The following TRIP11 variants were observed in gnomAD, a reference collection of about 807,000 sequenced individuals.
The protein encoded by TRIP11 is thyroid hormone receptor interactor 11, also known as thyroid receptor-interacting protein 11.
Under a neutral mutation model 223.1 loss-of-function variants are expected in TRIP11, and 148 were observed. The ratio of observed to expected loss-of-function variants is 0.66; its 90% CI spans 0.58 to 0.76. The LOEUF (loss-of-function observed/expected upper bound fraction) is 0.76, where lower values mean the gene tolerates loss of function less well. Ranked by LOEUF, TRIP11 falls within the 30% of genes least tolerant of loss-of-function variation. The pLI is 0.00. For missense variants in TRIP11, 2,043 were observed against 2,222.0 expected (o/e 0.92, Z 1.62); for synonymous variants, 762 against 772.6 (o/e 0.99, Z 0.23).
chr14:91,999,059 C>A (rs2056787224), intron 13 of TRIP11, among the ~76,000 whole-genome samples, 181 bp downstream of exon 13: 1 of 152,170 alleles, frequency 6.6e-6, no homozygotes. Flanking sequence ...GTGAAACCCC[C>A]ACACACACTC....
intron 7 of TRIP11, 137 bp downstream of exon 7, chr14:92,014,078 T>C: frequency 7.9e-7 from 1 of 1,265,768 alleles, no homozygotes; most frequent in Non-Finnish European, 1.1e-6. Flanking sequence ...AACCACACAA[T>C]TCTACCCAAA....
Position 91,969,795 on chromosome 14 carries a change from G to T in TRIP11, c.5818C>A (p.Pro1940Thr), listed in dbSNP as rs1458755578. The T allele has an allele frequency of 1.2e-6, 2 of 1,614,032 alleles. No individual in the cohort carries two copies. The highest frequency in any genetic ancestry group is 8.5e-7 in the Non-Finnish European group (1 of 1,180,032). ...VPLINPAGLG[P>T]GGPGHLLLKP... is the part of the protein sequence containing the mutation. Reference sequence around the variant, plus strand: ...AGAAGAAGATGCCCGGGCCCACCAGGTCCAAGTCCAGCTGGGTTAATAAGA... The same window carrying T: ...AGAAGAAGATGCCCGGGCCCACCAGTTCCAAGTCCAGCTGGGTTAATAAGA... The change falls in exon 21 of 21, where the codon CCT becomes ACT. Residue 1940 changes from proline (P) to threonine (T), a missense_variant. Transcript: ENST00000267622.
At chr14:91,984,658 C>T (rs74073605) in intron 16 of TRIP11, among the ~76,000 whole-genome samples, 5,655 of 152,106 alleles carry the variant, frequency 0.037, 304 homozygotes, top group African/African-American at 0.12. Context: ...AGGATGATGG[C>T]AGAGAACAAG....
At position 91,966,860 on chromosome 14, in the gene TRIP11, A is replaced by C. The variant is rs1595360774; in HGVS notation, c.*2813T>G. 4.6e-6 allele frequency: 1 copy of C among 218,614 alleles called. No individual in the cohort carries two copies. Among genetic ancestry groups the C allele is most frequent in the East Asian group, 6.7e-5 (1 of 14,828 alleles). The allele number at this position is 218,614 out of a possible 1,614,324, so 13.5% of individuals were successfully genotyped here. On this transcript the variant is annotated 3_prime_UTR_variant, in exon 21 of 21. Transcript: ENST00000267622. ...GCAGCGAAGGTGGAATTCAACCACA[A>C]ATTCTACTGAGTGGATAGAGAAATA... is the stretch of plus-strand genomic sequence containing the variant.
chr14:92,024,520 A>G (rs1319520236), intron 3 of TRIP11, among the ~76,000 whole-genome samples: 1 of 152,202 alleles, frequency 6.6e-6, no homozygotes, highest in Non-Finnish European at 1.5e-5. Context: ...AAACCTATGT[A>G]TATCTTTAAC....
intron 3 of TRIP11, among the ~76,000 whole-genome samples, chr14:92,023,203 A>G (rs1298442368): frequency 6.6e-6 from 1 of 152,218 alleles, no homozygotes; most frequent in East Asian, 1.9e-4. Flanking sequence ...AGTGTTTTCA[A>G]CTGTGAGGTA....
intron 4 of TRIP11, among the ~76,000 whole-genome samples, chr14:92,019,391 T>C (rs539272262): frequency 3.2e-4 from 49 of 152,318 alleles, no homozygotes; most frequent in African/African-American, 9.9e-4. Flanking sequence ...AGATCTACAA[T>C]ACTGCCAAGT....
rs2056352950 is a variant in TRIP11 at position 91,967,485 on chromosome 14, C to T, written c.*2188G>A. On this transcript the variant is annotated 3_prime_UTR_variant, in exon 21 of 21. Transcript: ENST00000267622. ...GGTCACATATTTATTTAAATAGCAG[C>T]CATTTAATATCATGCTCTGTGATGT... 5.2e-6 allele frequency: 1 copy of T among 192,652 alleles called. No individual in the cohort carries two copies. The highest frequency in any genetic ancestry group is 8.2e-5 in the East Asian group (1 of 12,246). 11.9% of individuals were successfully genotyped at this position (192,652 alleles called of 1,614,324 possible).
At chr14:91,989,449 G>T (rs2056646205) in intron 15 of TRIP11, among the ~76,000 whole-genome samples, 2 of 149,490 alleles carry the variant, frequency 1.3e-5, no homozygotes, top group East Asian at 2.0e-4. Flanking sequence ...ATATATCCTG[G>T]GCTCTATTTC....
chr14:92,005,415 C>T lies in TRIP11; in HGVS notation c.2561G>A (p.Ser854Asn). Residue 854 changes from serine to asparagine, a missense_variant, in exon 11 of 21, where the codon AGT (serine) becomes AAT (asparagine). Transcript: ENST00000267622. ...LRQTIEEKDR[S>N]LGSMKEENNH... ...ATTTTCCTCTTTCATGGATCCAAGACTTCGGTCTTTTTCCTCTATGGTCTG... is the reference window on the plus strand; with the variant it reads ...ATTTTCCTCTTTCATGGATCCAAGATTTCGGTCTTTTTCCTCTATGGTCTG... The T allele has an allele frequency of 6.2e-7, 1 of 1,614,036 alleles. No homozygotes were observed. Among genetic ancestry groups the T allele is most frequent in the Non-Finnish European group, 8.5e-7 (1 of 1,180,028 alleles).
chr14:92,010,730 C>A (rs148612999), intron 9 of TRIP11, among the ~76,000 whole-genome samples: 3 of 151,880 alleles, frequency 2.0e-5, no homozygotes, highest in Admixed American at 6.6e-5. Flanking sequence ...GAAACCAAAA[C>A]AGGACCTCCA....
rs2273185 is a variant in TRIP11 at position 91,993,754 on chromosome 14, C to A, written c.5160+55G>T. 444,809 of 1,377,332 alleles carry A rather than the reference C, an allele frequency of 0.32. 73,344 individuals carry two copies. The highest frequency in any genetic ancestry group is 0.37 in the East Asian group (16,138 of 43,280). The allele number at this position is 1,377,332 out of a possible 1,614,324, so 85.3% of individuals were successfully genotyped here. A position where few individuals can be genotyped will look rare whatever the true frequency, so the allele number is the denominator to read the frequency against. On this transcript the variant is annotated intron_variant, in intron 15 of 20. Coordinates refer to ENST00000267622, the MANE Select transcript of TRIP11 (RefSeq NM_004239.4). Reference sequence around the variant, plus strand: ...GATTATTTCCAAGACAAAGACTCTACAAGTAACTGTTCCATGAATAATAAA... The same window carrying A: ...GATTATTTCCAAGACAAAGACTCTAAAAGTAACTGTTCCATGAATAATAAA...
At position 91,972,797 on chromosome 14, in the gene TRIP11, T is replaced by A; in HGVS notation, c.5639A>T (p.Lys1880Met). ...TESHPSIPPP[K>M]LSVHDMKPLD... ...AGGTTTCATATCATGAACAGAAAGC[T>A]TTGGTGGTGGAATGGATGGATGAGA... is the stretch of plus-strand genomic sequence containing the variant. The change falls in exon 20 of 21, where the codon AAG becomes ATG. Residue 1880 changes from lysine to methionine, a missense_variant. Lys to Met is a moderately conservative substitution (Grantham distance 95). Transcript: ENST00000267622. The A allele has an allele frequency of 6.2e-7, 1 of 1,613,430 alleles. No individual in the cohort carries two copies. Among genetic ancestry groups the A allele is most frequent in the Non-Finnish European group, 8.5e-7 (1 of 1,179,690 alleles).
At chr14:91,988,633 TAAAA>T (rs749287959) in intron 15 of TRIP11, among the ~76,000 whole-genome samples, 4 of 99,512 alleles carry the variant, frequency 4.0e-5, no homozygotes, top group Non-Finnish European at 8.4e-5. Flanking sequence ...ATGACAGAAG[TAAAA>T]AAAAAAAAAA....
intron 15 of TRIP11, among the ~76,000 whole-genome samples, chr14:91,992,967 ACG>A (rs1280805349): frequency 6.8e-6 from 1 of 146,726 alleles, no homozygotes; most frequent in East Asian, 2.0e-4. Flanking sequence ...ATCTAAAAGC[ACG>A]TTGTTTTGGT....
At position 91,995,309 on chromosome 14, in the gene TRIP11, A is replaced by G. The variant is rs143214445; in HGVS notation, c.5056+43T>C. 113 of 1,610,598 alleles carry G rather than the reference A, an allele frequency of 7.0e-5. No individual in the cohort carries two copies. In the East Asian group the frequency reaches 1.2e-3, roughly 18 times the overall value. On this transcript the variant is annotated intron_variant, in intron 14 of 20. Transcript: ENST00000267622. ...TCTCAAATTAGGCAAAATTACCAATAACTACAATTTTTCTTCATTGAAAGA... is the reference window on the plus strand; with the variant it reads ...TCTCAAATTAGGCAAAATTACCAATGACTACAATTTTTCTTCATTGAAAGA...
intron 2 of TRIP11, chr14:92,026,785 TGAA>T: frequency 8.1e-7 from 1 of 1,240,172 alleles, no homozygotes; most frequent in South Asian, 1.2e-5. Context: ...AGGATGGAGA[TGAA>T]GATGAGGAAG....
intron 4 of TRIP11, among the ~76,000 whole-genome samples, 154 bp downstream of exon 4, chr14:92,021,402 A>C (rs907930541): frequency 7.9e-4 from 120 of 152,048 alleles, no homozygotes; most frequent in African/African-American, 2.8e-3. Flanking sequence ...AAAAAAAAAA[A>C]AAAGAAAGAA....
In TRIP11 at chr14:91,969,796, T is replaced by A. The variant is rs1282912126; in HGVS notation, c.5817A>T (p.Gly1939=). The A allele has an allele frequency of 6.2e-7, 1 of 1,614,110 alleles. No homozygotes were observed. Among genetic ancestry groups the A allele is most frequent in the Non-Finnish European group, 8.5e-7 (1 of 1,180,016 alleles). The change falls in exon 21 of 21, where the codon GGA becomes GGT. Residue 1939 remains glycine (G), a synonymous_variant. Coordinates refer to ENST00000267622, the MANE Select transcript of TRIP11 (RefSeq NM_004239.4). ...AVPLINPAGL[G]PGGPGHLLLK... The stretch of plus-strand genomic sequence containing the variant: ...GAAGAAGATGCCCGGGCCCACCAGG[T>A]CCAAGTCCAGCTGGGTTAATAAGAG...
Sources: gnomAD v4.1 joint callset for allele counts (sites outside exome capture counted in the v4.1 genomes callset) on GRCh38, gnomAD v4.1.1 for gene constraint, MANE v1.5 for transcripts, NCBI Gene and HGNC (gene_info 2026-07-23, HGNC 2026-07-21) for gene names.